The following NRG3 variants were observed in gnomAD, a reference collection of about 807,000 sequenced individuals.
NRG3 encodes pro-neuregulin-3, membrane-bound isoform.
NRG3 carries 31 observed loss-of-function variants against 66.9 expected under a neutral mutation model. The ratio of observed to expected loss-of-function variants is 0.46; its 90% CI spans 0.35 to 0.63. The LOEUF is 0.63. Among genes scored for constraint, NRG3 ranks in the 20% least tolerant of loss-of-function variants. NRG3 has a pLI of 0.00. For missense variants in NRG3, 910 were observed against 878.9 expected (o/e 1.04, Z -0.45); for synonymous variants, 393 against 359.4 (o/e 1.09, Z -1.06).
At chr10:82,530,847 G>A (rs688773) in intron 2 of NRG3, among the ~76,000 whole-genome samples, 9,566 of 151,784 alleles carry the variant, frequency 0.063, 411 homozygotes, top group Non-Finnish European at 0.097. Context: ...AGTTTATATT[G>A]TATATTAGAA....
At chr10:82,274,234 T>G (rs917579411) in intron 1 of NRG3, among the ~76,000 whole-genome samples, 8 of 152,038 alleles carry the variant, frequency 5.3e-5, no homozygotes, top group Non-Finnish European at 1.0e-4. Context: ...CAAATGAATG[T>G]GAAAAAATTT....
chr10:82,418,785 G>C (rs61864213), intron 2 of NRG3, among the ~76,000 whole-genome samples: 1 of 149,444 alleles, frequency 6.7e-6, no homozygotes, highest in African/African-American at 2.5e-5. Flanking sequence ...TTTTTTTTTG[G>C]AGACAGAGTC....
chr10:82,539,314 C>A (rs1443536554), intron 2 of NRG3, among the ~76,000 whole-genome samples: 2 of 152,178 alleles, frequency 1.3e-5, no homozygotes, highest in Non-Finnish European at 2.9e-5. Context: ...TTTAACATAG[C>A]ACCGTGGCTT....
At chr10:82,022,696 C>T (rs745884648) in intron 1 of NRG3, among the ~76,000 whole-genome samples, 4 of 151,974 alleles carry the variant, frequency 2.6e-5, no homozygotes, top group Admixed American at 6.6e-5. Context: ...ATTGTCAAAT[C>T]GGAAGCTATC....
chr10:82,809,865 A>AT (rs137932300), intron 3 of NRG3, among the ~76,000 whole-genome samples: 1,562 of 151,952 alleles, frequency 0.01, 24 homozygotes, highest in African/African-American at 0.032. Context: ...TTGTCAATAA[A>AT]ACTTCATTAT....
intron 2 of NRG3, among the ~76,000 whole-genome samples, chr10:82,650,302 G>A (rs929085524): frequency 3.3e-5 from 5 of 152,074 alleles, no homozygotes; most frequent in African/African-American, 7.2e-5. Context: ...ATTCATTAAG[G>A]AGGATACTGG....
At chr10:82,478,231 C>CTTTT (rs1210990084) in intron 2 of NRG3, among the ~76,000 whole-genome samples, 1 of 18,150 alleles carries the variant, frequency 5.5e-5, no homozygotes, top group Admixed American at 8.0e-4. Context: ...TTGTGTCACT[C>CTTTT]TTTTTTTTTT....
intron 3 of NRG3, among the ~76,000 whole-genome samples, chr10:82,757,709 A>G (rs1390028177): frequency 6.6e-6 from 1 of 152,098 alleles, no homozygotes; most frequent in Non-Finnish European, 1.5e-5. Context: ...ACCAGGCCAC[A>G]AGCAGGCATG....
chr10:82,675,062 G>A (rs895438831), intron 2 of NRG3, among the ~76,000 whole-genome samples: 24 of 151,922 alleles, frequency 1.6e-4, no homozygotes, highest in East Asian at 3.9e-4. Context: ...GGGTTCAAGC[G>A]ATTCTTCCTC....
intron 1 of NRG3, chr10:82,228,817 A>G (rs1278321156): frequency 3.3e-5 from 5 of 152,178 alleles, no homozygotes; most frequent in South Asian, 2.1e-4. Context: ...TGAGAAAACA[A>G]TCTCTTATTT....
intron 2 of NRG3, among the ~76,000 whole-genome samples, chr10:82,393,952 G>A (rs2086555276): frequency 6.6e-6 from 1 of 152,184 alleles, no homozygotes; most frequent in African/African-American, 2.4e-5. Context: ...TGCCTGCCAA[G>A]TGATTATTCA....
intron 2 of NRG3, among the ~76,000 whole-genome samples, chr10:82,700,136 G>T (rs911608326): frequency 3.3e-5 from 5 of 152,120 alleles, no homozygotes; most frequent in African/African-American, 1.2e-4. Flanking sequence ...GACAGACATT[G>T]TGAGTGAAAA....
intron 1 of NRG3, among the ~76,000 whole-genome samples, chr10:82,089,830 C>A (rs115586879): frequency 0.021 from 3,144 of 152,222 alleles, 97 homozygotes; most frequent in African/African-American, 0.072. Context: ...AATAGGAAGG[C>A]ATGTGGGCAT....
intron 2 of NRG3, among the ~76,000 whole-genome samples, chr10:82,628,537 G>A (rs1324922454): frequency 6.6e-6 from 1 of 151,860 alleles, no homozygotes. Flanking sequence ...CCAAGATAGG[G>A]ACTTTACTGA....
chr10:82,201,570 A>G (rs1228979586), intron 1 of NRG3, among the ~76,000 whole-genome samples: 3 of 152,172 alleles, frequency 2.0e-5, no homozygotes, highest in Admixed American at 2.0e-4. Context: ...GAGGCCTTTA[A>G]TAGCGGTATT....
At chr10:81,881,638 A>G (rs928761473) in intron 1 of NRG3, among the ~76,000 whole-genome samples, 21 of 152,204 alleles carry the variant, frequency 1.4e-4, no homozygotes, top group Admixed American at 1.4e-3. Flanking sequence ...CAATGCTGTT[A>G]AGTAATTGGT....
intron 1 of NRG3, among the ~76,000 whole-genome samples, chr10:82,354,975 T>A (rs2083682483): frequency 6.6e-6 from 1 of 152,340 alleles, no homozygotes; most frequent in Admixed American, 6.5e-5. Context: ...CCTTCATCCA[T>A]ATAATTGTTT....
intron 2 of NRG3, among the ~76,000 whole-genome samples, chr10:82,487,362 G>A (rs551316866): frequency 1.3e-5 from 2 of 152,160 alleles, no homozygotes; most frequent in South Asian, 4.1e-4. Flanking sequence ...ACATTGGGAG[G>A]AATGTGTAAG....
chr10:82,498,611 G>A (rs1843837549), intron 2 of NRG3, among the ~76,000 whole-genome samples: 2 of 152,028 alleles, frequency 1.3e-5, no homozygotes, highest in Admixed American at 1.3e-4. Context: ...CAGACCTATG[G>A]GATTCATAAA....
Sources: allele counts gnomAD v4.1 joint callset (sites outside exome capture counted in the v4.1 genomes callset), GRCh38; gene constraint gnomAD v4.1.1; transcripts MANE v1.5; gene names NCBI Gene and HGNC (gene_info 2026-07-23, HGNC 2026-07-21).